Variants in PTPRD observed in about 807,000 individuals in gnomAD.
The protein encoded by PTPRD is receptor-type tyrosine-protein phosphatase delta.
In PTPRD, 34 loss-of-function variants were observed where a neutral mutation model predicts 214.5. That is an observed-to-expected ratio of 0.16 (90% CI 0.12 to 0.21). PTPRD has a LOEUF of 0.21. Ranked by LOEUF, PTPRD falls within the 10% of genes least tolerant of loss-of-function variation. The pLI is 1.00. For synonymous variants in PTPRD, 1,128 were observed against 845.7 expected (o/e 1.33, Z -5.79); for missense variants, 2,545 against 2,398.7 (o/e 1.06, Z -1.27).
chr9:9,517,921 G>A (rs563133956), intron 8 of PTPRD, among the ~76,000 whole-genome samples: 1 of 151,486 alleles, frequency 6.6e-6, no homozygotes, highest in South Asian at 2.1e-4. Flanking sequence ...ATCTTAACCT[G>A]TGTTGTATAT....
intron 29 of PTPRD, 87 bp downstream of exon 29, chr9:8,485,140 G>A (rs2096971980): frequency 1.8e-6 from 2 of 1,109,936 alleles, no homozygotes; most frequent in Admixed American, 2.1e-5. Flanking sequence ...AAACAAAGTG[G>A]TCTGCTTGCT....
intron 14 of PTPRD, among the ~76,000 whole-genome samples, chr9:8,599,172 A>T (rs2094656388): frequency 6.6e-6 from 1 of 152,142 alleles, no homozygotes; most frequent in South Asian, 2.1e-4. Flanking sequence ...TCCACCATGT[A>T]AAACATGACT....
chr9:8,334,085 T>A (rs928765844), intron 43 of PTPRD, among the ~76,000 whole-genome samples: 14 of 152,096 alleles, frequency 9.2e-5, no homozygotes, highest in African/African-American at 3.4e-4. Flanking sequence ...CACACAATAA[T>A]AATAGGAGAC....
chr9:9,549,495 AATAG>A (rs967390550), intron 8 of PTPRD, among the ~76,000 whole-genome samples: 29 of 152,236 alleles, frequency 1.9e-4, no homozygotes, highest in African/African-American at 6.7e-4. Context: ...TCTCTACCAA[AATAG>A]ATAGTCAACA....
intron 4 of PTPRD, among the ~76,000 whole-genome samples, chr9:9,979,139 C>A (rs1423857038): frequency 6.6e-6 from 1 of 151,858 alleles, no homozygotes; most frequent in Non-Finnish European, 1.5e-5. Context: ...CAGAGGATGT[C>A]CTTCAGGCAG....
intron 11 of PTPRD, among the ~76,000 whole-genome samples, chr9:8,939,875 A>G (rs978834258): frequency 6.6e-6 from 1 of 151,928 alleles, no homozygotes; most frequent in African/African-American, 2.4e-5. Flanking sequence ...TTTATTCTTT[A>G]TTTTTTATTT....
intron 32 of PTPRD, among the ~76,000 whole-genome samples, chr9:8,464,457 T>C (rs544748534): frequency 6.6e-6 from 1 of 152,030 alleles, no homozygotes; most frequent in African/African-American, 2.4e-5. Flanking sequence ...GAGGCTGCCT[T>C]TGTGTTTTGA....
intron 24 of PTPRD, among the ~76,000 whole-genome samples, chr9:8,500,050 CA>C (rs34424655): frequency 0.25 from 19,864 of 78,226 alleles, 926 homozygotes; most frequent in Middle Eastern, 0.3. Context: ...ATGACCGATG[CA>C]AAAAAAAAAA....
chr9:10,427,573 A>T (rs562512850), intron 2 of PTPRD, among the ~76,000 whole-genome samples: 1 of 152,180 alleles, frequency 6.6e-6, no homozygotes, highest in African/African-American at 2.4e-5. Context: ...GATAATTGTC[A>T]TTCAGGTAAA....
chr9:8,726,044 C>T lies in PTPRD; in HGVS notation c.64+7736G>A, dbSNP rs62528778. 9.4e-4 allele frequency among the ~76,000 whole-genome samples: 138 copies of T among 146,442 alleles called. 2 individuals are homozygous for T. Among genetic ancestry groups the T allele is most frequent in the African/African-American group, 3.4e-3 (134 of 39,202 alleles). On this transcript the variant is annotated intron_variant, in intron 12 of 45. Transcript: ENST00000381196. ...ACAGACAGACACACACACACACACA[C>T]ACACACACACACACACACACAGTTT...
At chr9:9,784,258 C>T (rs2098897061) in intron 5 of PTPRD, among the ~76,000 whole-genome samples, 1 of 151,936 alleles carries the variant, frequency 6.6e-6, no homozygotes. Context: ...ATATTCTTCC[C>T]AACTGCAAAG....
intron 2 of PTPRD, among the ~76,000 whole-genome samples, chr9:10,438,005 C>A (rs1238335955): frequency 9.0e-6 from 1 of 110,662 alleles, no homozygotes; most frequent in Non-Finnish European, 1.6e-5. Flanking sequence ...CTCCCTAAGT[C>A]TACATATATA....
At chr9:8,856,517 G>A (rs1170516255) in intron 11 of PTPRD, among the ~76,000 whole-genome samples, 3 of 152,048 alleles carry the variant, frequency 2.0e-5, no homozygotes, top group Non-Finnish European at 4.4e-5. Context: ...TTAAGTCACT[G>A]GCACTGTGTC....
Position 8,702,783 on chromosome 9 carries a change from A to AT in PTPRD, c.64+30996dup, listed in dbSNP as rs532568908. On this transcript the variant is annotated intron_variant, in intron 12 of 45. Coordinates refer to ENST00000381196, the MANE Select transcript of PTPRD (RefSeq NM_002839.4). ...CCACTACGCCCAGCGAATTTTTTGT[A>AT]TTTTTAGTAAAGACGGGGTTTCACC... Among the ~76,000 whole-genome samples, 122 of 152,010 alleles carry AT rather than the reference A, an allele frequency of 8.0e-4. 1 individual carries two copies. Among genetic ancestry groups the AT allele is most frequent in the African/African-American group, 2.9e-3 (121 of 41,466 alleles).
At chr9:10,215,452 T>C (rs1342273705) in intron 3 of PTPRD, among the ~76,000 whole-genome samples, 1 of 152,142 alleles carries the variant, frequency 6.6e-6, no homozygotes, top group Non-Finnish European at 1.5e-5. Context: ...TTTAACCTCG[T>C]GAGACACATT....
intron 8 of PTPRD, among the ~76,000 whole-genome samples, chr9:9,454,023 C>A (rs2145452670): frequency 6.6e-6 from 1 of 151,602 alleles, no homozygotes; most frequent in South Asian, 2.1e-4. Context: ...AGTTATGTTC[C>A]CTTTTTATAT....
chr9:9,082,806 T>C (rs2099761219), intron 10 of PTPRD, among the ~76,000 whole-genome samples: 1 of 151,982 alleles, frequency 6.6e-6, no homozygotes, highest in Non-Finnish European at 1.5e-5. Flanking sequence ...TCATAATTGC[T>C]ACAAAAAGAA....
In PTPRD at chr9:8,686,910, C is replaced by G. The variant is rs2097691781; in HGVS notation, c.64+46870G>C. On this transcript the variant is annotated intron_variant, in intron 12 of 45. Transcript: ENST00000381196. ...AGAGAACCAAACAAAAGTAGATCAA[C>G]CAGACCAAACTTTTAAAACACTTTA... Among the ~76,000 whole-genome samples, 4 of 152,166 alleles carry G rather than the reference C, an allele frequency of 2.6e-5. No homozygotes were observed. The South Asian group carries it at 8.3e-4, about 32-fold the overall frequency.
chr9:8,339,425 C>CA (rs1333119693), intron 42 of PTPRD, among the ~76,000 whole-genome samples: 3 of 152,098 alleles, frequency 2.0e-5, no homozygotes, highest in Non-Finnish European at 4.4e-5. Flanking sequence ...ACCACCACAG[C>CA]ATACTTGCAC....
Sources: gnomAD v4.1 joint callset for allele counts (sites outside exome capture counted in the v4.1 genomes callset) on GRCh38, gnomAD v4.1.1 for gene constraint, MANE v1.5 for transcripts, NCBI Gene and HGNC (gene_info 2026-07-23, HGNC 2026-07-21) for gene names.